GAK: variants seen among roughly 807,000 people sequenced by gnomAD.
GAK encodes cyclin G associated kinase.
In GAK, 79 loss-of-function variants were observed where a neutral mutation model predicts 143.9. That is an observed-to-expected ratio of 0.55 (90% confidence interval 0.46 to 0.66). The LOEUF is 0.66. Among genes scored for constraint, GAK ranks in the 30% least tolerant of loss-of-function variants. The pLI is 0.00. For missense variants in GAK, 1,693 were observed against 1,779.7 expected, an observed-to-expected ratio of 0.95 and a Z score of 0.88; for synonymous variants, 881 against 765.5, an observed-to-expected ratio of 1.15 and a Z score of -2.49.
Position 877,772 on chromosome 4 carries a change from G to A in GAK, c.1699C>T (p.Pro567Ser). The part of the protein sequence containing the change: ...EYMCDMVAEE[P>S]ITPHSKPILV... ...ATGGGCTTGCTGTGGGGTGTGATGG[G>A]CTCCTCCGCCACCATGTCACACATG... Residue 567 changes from proline (P) to serine (S), a missense_variant, in exon 16 of 28, where the codon CCC (proline) becomes TCC (serine). This residue lies in a region of GAK where 871 missense variants were observed against 991.0 expected (regional missense o/e 0.88). Coordinates refer to ENST00000314167, the MANE Select transcript of GAK (RefSeq NM_005255.4). 1 of 1,610,574 alleles carries A rather than the reference G, an allele frequency of 6.2e-7. No individual in the cohort carries two copies. The highest frequency in any genetic ancestry group is 8.5e-7 in the Non-Finnish European group (1 of 1,178,772).
chr4:866,382 C>A lies in GAK; in HGVS notation c.3025G>T (p.Ala1009Ser). Residue 1009 changes from alanine to serine, a missense_variant, in exon 22 of 28, where the codon GCC becomes TCC. Physicochemically the swap from Ala to Ser is moderately conservative, Grantham distance 99. This residue lies in a region of GAK where 822 missense variants were observed against 788.7 expected (regional missense o/e 1.04). Coordinates refer to ENST00000314167, the MANE Select transcript of GAK (RefSeq NM_005255.4). ...AHSAPPPSCS[A>S]DFLHLGDLPG... The stretch of plus-strand genomic sequence containing the variant: ...CACTTACCCAGGTGCAGGAAGTCGG[C>A]GCTGCAGGATGGGGGCGGAGCACTG... 2 of 1,613,986 alleles carry A rather than the reference C, an allele frequency of 1.2e-6. No homozygotes were observed. Among genetic ancestry groups the A allele is most frequent in the Admixed American group, 3.3e-5 (2 of 60,016 alleles).
intron 3 of GAK, 41 bp downstream of exon 3, chr4:912,694 C>A: frequency 6.4e-7 from 1 of 1,566,386 alleles, no homozygotes; most frequent in Non-Finnish European, 8.8e-7. Context: ...CTGTGCCTGC[C>A]AAAGCCACCG....
At chr4:895,086 C>G (rs1012313146) in intron 7 of GAK, among the ~76,000 whole-genome samples, 3 of 152,228 alleles carry the variant, frequency 2.0e-5, no homozygotes, top group African/African-American at 7.2e-5. Context: ...GGGACCAGCA[C>G]AGACCCTGCT....
Position 884,094 on chromosome 4 carries a change from T to G in GAK, c.1206-8A>C. 6.2e-7 allele frequency: 1 copy of G among 1,612,114 alleles called. No individual in the cohort carries two copies. Among genetic ancestry groups the G allele is most frequent in the Non-Finnish European group, 8.5e-7 (1 of 1,178,390 alleles). On this transcript the variant is annotated splice_polypyrimidine_tract_variant and splice_region_variant and intron_variant, in intron 11 of 27. Transcript: ENST00000314167. ...AGGTCACCCTTTGCATAACTGGAAT[T>G]AAAAAGAAGAGAACTTGGTTATGAC...
chr4:901,350 C>T (rs1033736284), intron 5 of GAK, among the ~76,000 whole-genome samples: 2 of 150,936 alleles, frequency 1.3e-5, no homozygotes, highest in Admixed American at 6.6e-5. Flanking sequence ...CCAGGGCACA[C>T]GTGGAGAGCC....
intron 12 of GAK, among the ~76,000 whole-genome samples, chr4:883,782 C>T (rs775145228): frequency 9.2e-5 from 14 of 152,356 alleles, no homozygotes; most frequent in Middle Eastern, 3.4e-3. Flanking sequence ...TCCACGGACA[C>T]GGCCTTGTGT....
At chr4:918,631 G>A (rs937491669) in intron 1 of GAK, among the ~76,000 whole-genome samples, 27 of 152,202 alleles carry the variant, frequency 1.8e-4, no homozygotes, top group African/African-American at 5.8e-4. Context: ...ACATCATAGC[G>A]TACATGACAA....
intron 11 of GAK, among the ~76,000 whole-genome samples, chr4:884,764 G>T (rs959440937): frequency 1.5e-4 from 23 of 152,236 alleles, no homozygotes; most frequent in Non-Finnish European, 2.9e-5. Flanking sequence ...GTGAGGGAAG[G>T]AGCAGAAGGG....
chr4:889,705 G>A (rs1176686268), intron 10 of GAK, among the ~76,000 whole-genome samples: 2 of 152,240 alleles, frequency 1.3e-5, no homozygotes, highest in Admixed American at 6.5e-5. Context: ...CCGCAGTGGG[G>A]ATGCGGGGCG....
chr4:903,115 G>A (rs1412694530), intron 5 of GAK, among the ~76,000 whole-genome samples: 2 of 152,324 alleles, frequency 1.3e-5, no homozygotes, highest in Middle Eastern at 3.4e-3. Context: ...AGCACGGAGC[G>A]CAGGCCCAGC....
intron 5 of GAK, among the ~76,000 whole-genome samples, chr4:900,231 C>T (rs1428275300): frequency 2.0e-5 from 3 of 152,236 alleles, no homozygotes; most frequent in African/African-American, 7.2e-5. Flanking sequence ...TCCCATTCTA[C>T]AGCCAACAGA....
chr4:863,589 G>A (rs994107358), intron 23 of GAK, among the ~76,000 whole-genome samples: 1 of 152,200 alleles, frequency 6.6e-6, no homozygotes, highest in African/African-American at 2.4e-5. Flanking sequence ...TCAGGAATCA[G>A]CACCCTGATC....
intron 1 of GAK, chr4:914,056 C>T (rs1328462463): frequency 1.2e-5 from 2 of 162,590 alleles, no homozygotes; most frequent in Non-Finnish European, 2.1e-5. Context: ...CCCCAGCGTG[C>T]ACGGCCCCCA....
intron 27 of GAK, 51 bp from the exon 28 acceptor site, chr4:849,825 C>A (rs767684067): frequency 2.4e-6 from 3 of 1,229,706 alleles, no homozygotes; most frequent in Non-Finnish European, 1.1e-6. Context: ...CGGGGGCGGG[C>A]GGGGCAGGAC....
intron 9 of GAK, among the ~76,000 whole-genome samples, chr4:891,129 G>A (rs1273760265): frequency 2.6e-5 from 4 of 151,954 alleles, no homozygotes; most frequent in Admixed American, 2.0e-4. Flanking sequence ...TGGCTAATTT[G>A]TTTTGTATTT....
intron 4 of GAK, among the ~76,000 whole-genome samples, chr4:906,504 A>G (rs1241559414): frequency 2.6e-5 from 4 of 152,024 alleles, no homozygotes; most frequent in African/African-American, 9.7e-5. Flanking sequence ...AAGCATTCAC[A>G]CTGCCAGTCA....
At chr4:885,276 T>C (rs546977689) in intron 11 of GAK, among the ~76,000 whole-genome samples, 1 of 152,036 alleles carries the variant, frequency 6.6e-6, no homozygotes, top group Admixed American at 6.6e-5. Context: ...TAATCACCGG[T>C]AGAAAAACAA....
intron 4 of GAK, among the ~76,000 whole-genome samples, chr4:905,745 C>T (rs1159249317): frequency 6.6e-6 from 1 of 152,204 alleles, no homozygotes; most frequent in Non-Finnish European, 1.5e-5. Context: ...CCGCCACACC[C>T]CAGGCCACGT....
intron 1 of GAK, among the ~76,000 whole-genome samples, chr4:931,663 C>G (rs1725828061): frequency 6.6e-6 from 1 of 152,144 alleles, no homozygotes; most frequent in Admixed American, 6.5e-5. Flanking sequence ...CTGTGGGTCC[C>G]CACCCAAGCT....
Sources: gnomAD v4.1 joint callset for allele counts (sites outside exome capture counted in the v4.1 genomes callset) on GRCh38, gnomAD v4.1.1 for gene constraint, gnomAD v4.1.1 regional missense constraint, MANE v1.5 for transcripts, NCBI Gene and HGNC (gene_info 2026-07-23, HGNC 2026-07-21) for gene names.